NCOA1: variants seen among roughly 807,000 people sequenced by gnomAD.
The protein encoded by NCOA1 is nuclear receptor coactivator 1, also known as Hin-2 protein.
Under a neutral mutation model 150.9 loss-of-function variants are expected in NCOA1, and 35 were observed. The ratio of observed to expected loss-of-function variants is 0.23; its 90% CI spans 0.18 to 0.31. NCOA1 has a LOEUF of 0.31. Ranked by LOEUF, NCOA1 falls within the 10% of genes least tolerant of loss-of-function variation. The pLI is 1.00. For synonymous variants in NCOA1, 590 were observed against 630.0 expected (o/e 0.94, Z 0.95); for missense variants, 1,491 against 1,749.3 (o/e 0.85, Z 2.63).
At chr2:24,645,335 C>CAAAAAA (rs549749004) in intron 4 of NCOA1, among the ~76,000 whole-genome samples, 1 of 80,358 alleles carries the variant, frequency 1.2e-5, no homozygotes, top group Non-Finnish European at 2.7e-5. Flanking sequence ...ACTAAAAATA[C>CAAAAAA]AAAAAAAAAA....
intron 1 of NCOA1, among the ~76,000 whole-genome samples, chr2:24,504,362 T>C (rs1663602743): frequency 1.3e-5 from 2 of 152,220 alleles, no homozygotes; most frequent in African/African-American, 4.8e-5. Flanking sequence ...GTGTCCCACA[T>C]CGATTTTTCT....
chr2:24,739,937 G>C (rs769246652), intron 18 of NCOA1, among the ~76,000 whole-genome samples: 2 of 151,752 alleles, frequency 1.3e-5, no homozygotes, highest in South Asian at 4.2e-4. Flanking sequence ...TTGAACATCA[G>C]CATTTTCTAG....
At chr2:24,610,714 TTTG>T (rs1431335584) in intron 3 of NCOA1, among the ~76,000 whole-genome samples, 2 of 151,736 alleles carry the variant, frequency 1.3e-5, no homozygotes, top group African/African-American at 4.8e-5. Flanking sequence ...AATTTTGTTG[TTTG>T]TTTTCTCTGG....
chr2:24,621,226 A>T (rs1057410979), intron 3 of NCOA1, among the ~76,000 whole-genome samples: 4 of 152,010 alleles, frequency 2.6e-5, no homozygotes, highest in Non-Finnish European at 5.9e-5. Context: ...TTGTTGTGAA[A>T]CATTTAGAAA....
At chr2:24,697,881 T>C (rs1027325285) in intron 11 of NCOA1, 83 bp downstream of exon 11, 1 of 1,354,398 alleles carries the variant, frequency 7.4e-7, no homozygotes, top group Non-Finnish European at 1.0e-6. Flanking sequence ...TATGGCTTGA[T>C]AAGTATTTTC....
chr2:24,769,639 G>A lies in NCOA1; in HGVS notation c.*1248G>A, dbSNP rs1665229686. On this transcript the variant is annotated 3_prime_UTR_variant, in exon 23 of 23. Coordinates refer to ENST00000348332, the MANE Select transcript of NCOA1 (RefSeq NM_003743.5). The stretch of plus-strand genomic sequence containing the variant: ...TTTGGGAATTTGAATTTTCATCAGT[G>A]CAAATATAAATTTCTCTATCCTGCT... 1 of 208,730 alleles carries A rather than the reference G, an allele frequency of 4.8e-6. No individual in the cohort carries two copies. Among genetic ancestry groups the A allele is most frequent in the Non-Finnish European group, 9.8e-6 (1 of 102,388 alleles). 12.9% of individuals were successfully genotyped at this position (208,730 alleles called of 1,614,324 possible).
At chr2:24,567,345 TG>T (rs1212555451) in intron 2 of NCOA1, among the ~76,000 whole-genome samples, 1 of 152,232 alleles carries the variant, frequency 6.6e-6, no homozygotes, top group Admixed American at 6.5e-5. Context: ...CCATTTTACT[TG>T]TTTTTTTAGG....
At chr2:24,568,849 T>C (rs1429976848) in intron 2 of NCOA1, among the ~76,000 whole-genome samples, 1 of 152,242 alleles carries the variant, frequency 6.6e-6, no homozygotes, top group African/African-American at 2.4e-5. Flanking sequence ...ATGAAAGCAC[T>C]GATGTACAGA....
At chr2:24,693,539 G>A (rs1672766442) in intron 10 of NCOA1, among the ~76,000 whole-genome samples, 192 bp downstream of exon 10, 2 of 152,154 alleles carry the variant, frequency 1.3e-5, no homozygotes, top group South Asian at 4.1e-4. Context: ...TCATGGTCAG[G>A]GTGCTGGGGA....
At chr2:24,615,545 G>A (rs1467812468) in intron 3 of NCOA1, among the ~76,000 whole-genome samples, 1 of 152,138 alleles carries the variant, frequency 6.6e-6, no homozygotes, top group Non-Finnish European at 1.5e-5. Flanking sequence ...CGTTGTTGAT[G>A]GAATAGCTGA....
At chr2:24,709,458 A>G (rs56340462) in intron 13 of NCOA1, among the ~76,000 whole-genome samples, 83 of 152,224 alleles carry the variant, frequency 5.5e-4, no homozygotes, top group African/African-American at 1.9e-3. Flanking sequence ...TCATTTGGAT[A>G]TCTTCTTTTG....
chr2:24,717,408 T>G (rs1386302658), intron 14 of NCOA1, among the ~76,000 whole-genome samples: 1 of 152,172 alleles, frequency 6.6e-6, no homozygotes, highest in Non-Finnish European at 1.5e-5. Flanking sequence ...ACACATCCTG[T>G]ATAATTCCAG....
chr2:24,610,197 T>C (rs1397015756), intron 3 of NCOA1, among the ~76,000 whole-genome samples: 1 of 148,646 alleles, frequency 6.7e-6, no homozygotes, highest in Non-Finnish European at 1.5e-5. Context: ...TGATCTCTGC[T>C]CACTGCAACC....
intron 2 of NCOA1, among the ~76,000 whole-genome samples, chr2:24,565,195 T>C (rs1666448359): frequency 6.6e-6 from 1 of 152,208 alleles, no homozygotes; most frequent in African/African-American, 2.4e-5. Context: ...ACAAAAAAGA[T>C]ATATAATGTC....
chr2:24,669,015 C>T (rs546232517), intron 6 of NCOA1, among the ~76,000 whole-genome samples: 4 of 151,992 alleles, frequency 2.6e-5, no homozygotes, highest in Admixed American at 6.6e-5. Flanking sequence ...ATATTGGTTA[C>T]GCAAAAAATT....
chr2:24,522,757 ATTAT>A (rs1664469275), intron 1 of NCOA1, among the ~76,000 whole-genome samples: 1 of 152,238 alleles, frequency 6.6e-6, no homozygotes, highest in African/African-American at 2.4e-5. Context: ...TAAAAATTTA[ATTAT>A]TAGCTATAAT....
rs370971735 is a variant in NCOA1 at position 24,539,957 on chromosome 2, C to A, written c.-395-24338C>A. ...CCATGTGAGAACTGCATGTAGGAGC[C>A]CTGAGTCTATGAGAGTAGGAAGCAG... On this transcript the variant is annotated intron_variant, in intron 1 of 22. Coordinates refer to ENST00000348332, the MANE Select transcript of NCOA1 (RefSeq NM_003743.5). Among the ~76,000 whole-genome samples the A allele has an allele frequency of 2.1e-3, 326 of 152,232 alleles. 8 individuals carry two copies. In the South Asian group the frequency reaches 0.049, roughly 23 times the overall value.
chr2:24,725,753 G>T, intron 14 of NCOA1, among the ~76,000 whole-genome samples: 1 of 149,634 alleles, frequency 6.7e-6, no homozygotes, highest in East Asian at 2.0e-4. Context: ...GTGTGTGTGA[G>T]ATCCCAGAAT....
rs1190918339 is a variant in NCOA1, at chr2:24,539,146, AGAGATGG to A, written c.-395-25147_-395-25141del. On this transcript the variant is annotated intron_variant, in intron 1 of 22. Coordinates refer to ENST00000348332, the MANE Select transcript of NCOA1 (RefSeq NM_003743.5). ...AGGTGAGTTTTTTCCCCCCCATTTAAGAGATGGGGGTCTCACAAAATTGATGAAGCTG... is the reference window on the plus strand; with the variant it reads ...AGGTGAGTTTTTTCCCCCCCATTTAAGGGTCTCACAAAATTGATGAAGCTG... Among the ~76,000 whole-genome samples, 29 of 141,994 alleles carry A rather than the reference AGAGATGG, an allele frequency of 2.0e-4. No individual in the cohort carries two copies. In the South Asian group the frequency reaches 3.1e-3, roughly 15 times the overall value. The allele number at this position is 141,994 out of a possible 152,430, so 93.2% of individuals were successfully genotyped here.
Sources: gnomAD v4.1 joint callset for allele counts (sites outside exome capture counted in the v4.1 genomes callset) on GRCh38, gnomAD v4.1.1 for gene constraint, MANE v1.5 for transcripts, NCBI Gene and HGNC (gene_info 2026-07-23, HGNC 2026-07-21) for gene names.